TRHDE: variants seen among roughly 807,000 people sequenced by gnomAD.
The protein encoded by TRHDE is thyrotropin releasing hormone degrading enzyme.
Under a neutral mutation model 125.7 loss-of-function variants are expected in TRHDE, and 72 were observed. The observed-to-expected ratio is 0.57, with a 90% CI of 0.47 to 0.70. The LOEUF (loss-of-function observed/expected upper bound fraction) is 0.70. Ranked by LOEUF, TRHDE falls within the 30% of genes least tolerant of loss-of-function variation. The pLI, the probability that TRHDE is intolerant of heterozygous loss-of-function variation, is 0.00. For synonymous variants in TRHDE, 509 were observed against 509.1 expected, an observed-to-expected ratio of 1.00 and a Z score of 0.00; for missense variants, 1,110 against 1,327.1, an observed-to-expected ratio of 0.84 and a Z score of 2.54.
upstream of TRHDE, among the ~76,000 whole-genome samples, chr12:72,271,392 G>GC (rs994846938): frequency 2.5e-4 from 38 of 152,184 alleles, no homozygotes; most frequent in African/African-American, 9.2e-4. Context: ...TATGTTAATA[G>GC]CCAAAGGCTC....
At chr12:72,257,800 G>A (rs1171913437) in intron 2 of TRHDE, 1 of 152,140 alleles carries the variant, frequency 6.6e-6, no homozygotes, top group East Asian at 1.9e-4. Context: ...TGCAGAGGAA[G>A]ATGGTTTAGA....
At chr12:72,187,477 C>CGTG (rs1168433112) in intron 2 of TRHDE, among the ~76,000 whole-genome samples, 2,310 of 104,594 alleles carry the variant, frequency 0.022, 21 homozygotes, top group East Asian at 0.036. Flanking sequence ...TGGTTGTGGT[C>CGTG]GTGGTGGTGG....
At chr12:72,590,728 G>A (rs959775040) in intron 12 of TRHDE, among the ~76,000 whole-genome samples, 2 of 152,042 alleles carry the variant, frequency 1.3e-5, no homozygotes, top group Non-Finnish European at 2.9e-5. Context: ...CAAAATGCAT[G>A]TTTATACAGC....
intron 2 of TRHDE, among the ~76,000 whole-genome samples, chr12:72,162,824 G>A (rs1876663717): frequency 1.3e-5 from 2 of 151,968 alleles, no homozygotes; most frequent in African/African-American, 4.8e-5. Flanking sequence ...TGCTATTGAA[G>A]GCAAGGATTT....
chr12:72,465,021 T>C (rs573391163), intron 3 of TRHDE, among the ~76,000 whole-genome samples: 1 of 152,216 alleles, frequency 6.6e-6, no homozygotes, highest in Admixed American at 6.5e-5. Context: ...AATTTCCAAG[T>C]AAATTAGATT....
chr12:72,601,929 C>T (rs139727430), intron 12 of TRHDE, among the ~76,000 whole-genome samples: 1 of 152,162 alleles, frequency 6.6e-6, no homozygotes. Context: ...TATCTCTGTA[C>T]ATGGTAACAA....
intron 2 of TRHDE, among the ~76,000 whole-genome samples, chr12:72,156,954 G>A (rs1355707115): frequency 6.6e-6 from 1 of 152,122 alleles, no homozygotes; most frequent in Non-Finnish European, 1.5e-5. Flanking sequence ...CAGGGTAGCA[G>A]GATATGCACA....
chr12:72,252,187 A>G (rs940200380), intron 2 of TRHDE, among the ~76,000 whole-genome samples: 5 of 151,962 alleles, frequency 3.3e-5, no homozygotes, highest in African/African-American at 7.2e-5. Context: ...TATGCTTTTG[A>G]TATCATTTAA....
At chr12:72,405,765 G>A (rs1335928594) in intron 3 of TRHDE, among the ~76,000 whole-genome samples, 1 of 152,144 alleles carries the variant, frequency 6.6e-6, no homozygotes, top group African/African-American at 2.4e-5. Context: ...AATATTTTAT[G>A]AAGATTATAT....
intron 2 of TRHDE, among the ~76,000 whole-genome samples, chr12:72,363,332 G>T (rs1871197981): frequency 6.6e-6 from 1 of 151,256 alleles, no homozygotes; most frequent in African/African-American, 2.4e-5. Context: ...AAGAATTTTA[G>T]TCCAATATCC....
chr12:72,496,586 G>T (rs530542544), intron 5 of TRHDE, among the ~76,000 whole-genome samples: 1 of 152,272 alleles, frequency 6.6e-6, no homozygotes, highest in Admixed American at 6.5e-5. Context: ...TATTATAATC[G>T]AAGGTGAGAT....
intron 12 of TRHDE, among the ~76,000 whole-genome samples, chr12:72,603,963 A>C (rs1872322291): frequency 6.6e-6 from 1 of 152,196 alleles, no homozygotes; most frequent in African/African-American, 2.4e-5. Flanking sequence ...TGGCTAGAAT[A>C]CAAAGTATTG....
At chr12:72,589,340 T>C (rs1871573963) in intron 12 of TRHDE, among the ~76,000 whole-genome samples, 1 of 152,186 alleles carries the variant, frequency 6.6e-6, no homozygotes, top group Admixed American at 6.5e-5. Context: ...CTATTGCACT[T>C]TTATTTTTTT....
At chr12:72,651,332 C>T (rs1874496240) in intron 15 of TRHDE, among the ~76,000 whole-genome samples, 1 of 151,962 alleles carries the variant, frequency 6.6e-6, no homozygotes, top group Non-Finnish European at 1.5e-5. Context: ...TAGTTATTCA[C>T]ACAATTCTTC....
chr12:72,458,463 T>C (rs547102586), intron 3 of TRHDE, among the ~76,000 whole-genome samples: 22 of 152,218 alleles, frequency 1.4e-4, no homozygotes, highest in African/African-American at 4.8e-4. Flanking sequence ...GTCTCTTAAA[T>C]CTCAGTGCTC....
chr12:72,359,624 G>A (rs1042354763), intron 2 of TRHDE, among the ~76,000 whole-genome samples: 11 of 151,722 alleles, frequency 7.3e-5, no homozygotes, highest in East Asian at 1.9e-4. Flanking sequence ...GGAGGAAATC[G>A]TAAAACTTAG....
At chr12:72,640,535 C>T (rs1452954699) in intron 15 of TRHDE, among the ~76,000 whole-genome samples, 1 of 151,376 alleles carries the variant, frequency 6.6e-6, no homozygotes, top group East Asian at 2.0e-4. Flanking sequence ...CTTACTTTTT[C>T]AATCCTTTGT....
chr12:72,423,343 T>C (rs1874037582), intron 3 of TRHDE, among the ~76,000 whole-genome samples: 1 of 152,316 alleles, frequency 6.6e-6, no homozygotes, highest in Non-Finnish European at 1.5e-5. Flanking sequence ...TTCAGGAGCA[T>C]CTCTATTTAC....
chr12:72,557,131 G>C (rs990508193), intron 7 of TRHDE, among the ~76,000 whole-genome samples: 1 of 152,184 alleles, frequency 6.6e-6, no homozygotes, highest in Non-Finnish European at 1.5e-5. Flanking sequence ...ATTCTTGCTA[G>C]AGCACATGGT....
Sources: allele counts gnomAD v4.1 joint callset (sites outside exome capture counted in the v4.1 genomes callset), GRCh38; gene constraint gnomAD v4.1.1; transcripts MANE v1.5; gene names NCBI Gene and HGNC (gene_info 2026-07-23, HGNC 2026-07-21).